Variants in PIK3R4 observed in about 807,000 individuals in gnomAD.
PIK3R4 encodes the protein phosphoinositide-3-kinase regulatory subunit 4, also known as phosphoinositide 3-kinase regulatory subunit 4.
A neutral mutation model predicts 136.5 loss-of-function variants in PIK3R4; 46 were observed. The observed-to-expected ratio is 0.34, with a 90% CI of 0.27 to 0.43. PIK3R4 has a LOEUF of 0.43. Among genes scored for constraint, PIK3R4 ranks in the 20% least tolerant of loss-of-function variants. The probability of loss-of-function intolerance (pLI) is 1.00; values close to 1 mark genes in which losing one functional copy is unlikely to be tolerated. For missense variants in PIK3R4, 1,331 were observed against 1,649.5 expected (o/e 0.81, Z 3.35); for synonymous variants, 557 against 566.7 (o/e 0.98, Z 0.24).
chr3:130,729,550 T>C (rs2066750725), intron 5 of PIK3R4, among the ~76,000 whole-genome samples: 1 of 152,168 alleles, frequency 6.6e-6, no homozygotes. Context: ...AGGACAGTAT[T>C]ATTTTCCAAG....
At chr3:130,698,712 G>C (rs2066560097) in intron 13 of PIK3R4, among the ~76,000 whole-genome samples, 1 of 151,968 alleles carries the variant, frequency 6.6e-6, no homozygotes, top group South Asian at 2.1e-4. Flanking sequence ...TTGTTTCTTT[G>C]CCTAACTTGT....
At chr3:130,693,970 C>A (rs1036597712) in intron 13 of PIK3R4, among the ~76,000 whole-genome samples, 1 of 151,942 alleles carries the variant, frequency 6.6e-6, no homozygotes, top group Non-Finnish European at 1.5e-5. Flanking sequence ...TTTTTCCATG[C>A]GGAAATCCTA....
In PIK3R4 at chr3:130,744,568, A is replaced by AT; in HGVS notation, c.650dup (p.Asp217GlufsTer11). On this transcript the variant is annotated frameshift_variant, in exon 2 of 20. Transcript: ENST00000356763. LOFTEE classifies it high-confidence loss of function. The stretch of plus-strand genomic sequence containing the variant: ...TTAAGTCTACAAGCGGAGTTGAAGG[A>AT]TCTCTCATATATTCTAACTCAGTGG... 1 of 1,614,132 alleles carries AT rather than the reference A, an allele frequency of 6.2e-7. No individual in the cohort carries two copies.
chr3:130,733,652 T>C lies in PIK3R4; in HGVS notation c.1346A>G (p.Lys449Arg), dbSNP rs781215042. The stretch of plus-strand genomic sequence containing the variant: ...ATTGATATCATTACGAGGAACCTCT[T>C]TGACGAGAGCAAGAACTTTGGTCAA... The part of the protein sequence containing the change: ...RTLTKVLALV[K>R]EVPRNDINIY... Residue 449 changes from lysine to arginine, a missense_variant, in exon 4 of 20, where the codon AAA (lysine) becomes AGA (arginine). Coordinates refer to ENST00000356763, the MANE Select transcript of PIK3R4 (RefSeq NM_014602.3). 11 of 1,614,034 alleles carry C rather than the reference T, an allele frequency of 6.8e-6. No homozygotes were observed. Among genetic ancestry groups the C allele is most frequent in the South Asian group, 3.3e-5 (3 of 91,088 alleles).
intron 1 of PIK3R4, among the ~76,000 whole-genome samples, chr3:130,745,672 G>A (rs2107624981): frequency 6.6e-6 from 1 of 152,318 alleles, no homozygotes; most frequent in African/African-American, 2.4e-5. Context: ...GTTACCATAT[G>A]ACATAGTTCT....
At chr3:130,721,563 A>C (rs1297273303) in intron 7 of PIK3R4, among the ~76,000 whole-genome samples, 1 of 152,198 alleles carries the variant, frequency 6.6e-6, no homozygotes, top group Non-Finnish European at 1.5e-5. Context: ...CAGCACTAAA[A>C]AATAAAAATA....
At chr3:130,726,021 T>A (rs1158339219) in intron 6 of PIK3R4, 2 of 152,092 alleles carry the variant, frequency 1.3e-5, no homozygotes, top group Non-Finnish European at 2.9e-5. Flanking sequence ...TGTCATGAGT[T>A]TTAAAAATAA....
chr3:130,732,718 G>A (rs1047528251), intron 4 of PIK3R4, among the ~76,000 whole-genome samples: 1 of 151,152 alleles, frequency 6.6e-6, no homozygotes, highest in African/African-American at 2.4e-5. Flanking sequence ...TAAGACCAGA[G>A]TCCAAAGACC....
intron 13 of PIK3R4, among the ~76,000 whole-genome samples, chr3:130,692,988 C>T (rs1234243945): frequency 6.6e-6 from 1 of 152,194 alleles, no homozygotes; most frequent in Non-Finnish European, 1.5e-5. Context: ...GCTGTCTCTT[C>T]CCAATGCTCC....
At chr3:130,683,240 A>G (rs1234625700) in intron 16 of PIK3R4, among the ~76,000 whole-genome samples, 4 of 152,066 alleles carry the variant, frequency 2.6e-5, no homozygotes, top group African/African-American at 9.6e-5. Context: ...TTAGTTAGAC[A>G]TGTTGAGTTT....
Position 130,679,334 on chromosome 3 carries a change from A to G in PIK3R4, c.4058T>C (p.Ile1353Thr), listed in dbSNP as rs1313589799. The G allele has an allele frequency of 1.9e-6, 3 of 1,606,872 alleles. No homozygotes were observed. The Admixed American group carries it at 5.0e-5, about 27-fold the overall frequency. The change falls in exon 20 of 20, where the codon ATT becomes ACT. Residue 1353 changes from isoleucine to threonine, a missense_variant. Coordinates refer to ENST00000356763, the MANE Select transcript of PIK3R4 (RefSeq NM_014602.3). Reference protein sequence around the residue: ...GFIVTASRDGIVKVWK With the variant: ...GFIVTASRDGTVKVWK ...TAGGTTTTATTTCCACACCTTCACAATCCCATCTCTAGAAGCAGTTACGAT... is the reference window on the plus strand; with the variant it reads ...TAGGTTTTATTTCCACACCTTCACAGTCCCATCTCTAGAAGCAGTTACGAT...
intron 15 of PIK3R4, 117 bp from the exon 16 acceptor site, chr3:130,684,498 T>C: frequency 1.1e-6 from 1 of 931,008 alleles, no homozygotes; most frequent in Non-Finnish European, 1.6e-6. Flanking sequence ...AATGCCTTCG[T>C]TACTTAAAAA....
chr3:130,729,976 A>G (rs1317451964), intron 5 of PIK3R4, among the ~76,000 whole-genome samples: 1 of 152,200 alleles, frequency 6.6e-6, no homozygotes, highest in Non-Finnish European at 1.5e-5. Flanking sequence ...ATACTCACGT[A>G]AGGAGAAAAG....
At position 130,728,685 on chromosome 3, in the gene PIK3R4, CTA is replaced by C; in HGVS notation, c.1586-3_1586-2del. 1.3e-6 allele frequency: 1 copy of C among 768,846 alleles called. No individual in the cohort carries two copies. The highest frequency in any genetic ancestry group is 1.8e-6 in the Non-Finnish European group (1 of 567,638). 47.6% of individuals were successfully genotyped at this position (768,846 alleles called of 1,614,324 possible). A position where few individuals can be genotyped will look rare whatever the true frequency, so the allele number is the denominator to read the frequency against. Reference sequence around the variant, plus strand: ...ACCATTTCATGTAAGGCTTGGAGCTCTAAAAAAAAAAAAAAAAGAAAGAAAGA... The same window carrying C: ...ACCATTTCATGTAAGGCTTGGAGCTCAAAAAAAAAAAAAAAGAAAGAAAGA... On this transcript the variant is annotated splice_acceptor_variant and splice_polypyrimidine_tract_variant and intron_variant, in intron 5 of 19. Transcript: ENST00000356763. LOFTEE classifies it high-confidence loss of function.
intron 13 of PIK3R4, among the ~76,000 whole-genome samples, chr3:130,693,921 G>A (rs527575493): frequency 6.6e-6 from 1 of 152,014 alleles, no homozygotes; most frequent in African/African-American, 2.4e-5. Context: ...CTTACATTTA[G>A]TCTATGATCC....
Position 130,716,561 on chromosome 3 carries a change from T to A in PIK3R4, c.2166A>T (p.Glu722Asp). Reference sequence around the variant, plus strand: ...AATCAAATATAGAACGACTTACTGGTTCCTTTAAAACACTGAGCAGAACAA... The same window carrying A: ...AATCAAATATAGAACGACTTACTGGATCCTTTAAAACACTGAGCAGAACAA... ...RKLVLLSVLK[E>D]PVSRSIFDYA... Residue 722 changes from glutamate (E) to aspartate (D), a missense_variant, in exon 9 of 20, where the codon GAA becomes GAT. Around this residue, in one of 2 missense-constraint regions of PIK3R4, gnomAD observed 1,180 missense variants for 1,407.0 expected, o/e 0.84. Transcript: ENST00000356763. 1.9e-6 allele frequency: 3 copies of A among 1,613,948 alleles called. No individual in the cohort carries two copies. In the South Asian group the frequency reaches 3.3e-5, roughly 18 times the overall value.
At chr3:130,736,211 A>G (rs542001162) in intron 2 of PIK3R4, among the ~76,000 whole-genome samples, 2 of 152,306 alleles carry the variant, frequency 1.3e-5, no homozygotes, top group Non-Finnish European at 1.5e-5. Flanking sequence ...AAAGTCAAAG[A>G]AGAGCCATAC....
At chr3:130,685,456 T>C (rs147614243) in intron 15 of PIK3R4, among the ~76,000 whole-genome samples, 4 of 152,298 alleles carry the variant, frequency 2.6e-5, no homozygotes, top group African/African-American at 9.6e-5. Flanking sequence ...TGCCTGAGAT[T>C]AATGGAAATA....
At chr3:130,737,779 A>C (rs1306073895) in intron 2 of PIK3R4, among the ~76,000 whole-genome samples, 1 of 152,232 alleles carries the variant, frequency 6.6e-6, no homozygotes, top group Non-Finnish European at 1.5e-5. Context: ...TTGGGCAAAC[A>C]CATCTAACTC....
Sources: allele counts gnomAD v4.1 joint callset (sites outside exome capture counted in the v4.1 genomes callset), GRCh38; gene constraint gnomAD v4.1.1; regional missense constraint gnomAD v4.1.1; transcripts MANE v1.5; gene names NCBI Gene and HGNC (gene_info 2026-07-23, HGNC 2026-07-21).